Variants in EML1 observed in about 807,000 individuals in gnomAD.
The protein encoded by EML1 is echinoderm microtubule-associated protein-like 1.
A neutral mutation model predicts 110.4 loss-of-function variants in EML1; 27 were observed. The ratio of observed to expected loss-of-function variants is 0.24; its 90% CI spans 0.18 to 0.34. The LOEUF (loss-of-function observed/expected upper bound fraction) is 0.34, where lower values mean the gene tolerates loss of function less well. Among genes scored for constraint, EML1 ranks in the 10% least tolerant of loss-of-function variants. The pLI, the probability that EML1 is intolerant of heterozygous loss-of-function variation, is 1.00. For synonymous variants in EML1, 344 were observed against 385.8 expected (o/e 0.89, Z 1.27); for missense variants, 741 against 1,030.9 (o/e 0.72, Z 3.85).
At chr14:99,938,014 T>A in intron 20 of EML1, 102 bp downstream of exon 20, 6 of 1,234,560 alleles carry the variant, frequency 4.9e-6, no homozygotes, top group Non-Finnish European at 7.0e-6. Context: ...TCTTGTCAGA[T>A]TGCTCGGCTG....
intron 1 of EML1, among the ~76,000 whole-genome samples, chr14:99,752,984 G>C (rs1311585793): frequency 1.3e-5 from 2 of 152,158 alleles, no homozygotes; most frequent in African/African-American, 4.8e-5. Context: ...ACTTGAGGCA[G>C]CCCTGGCTTT....
chr14:99,771,098 T>G (rs1432125015), upstream of EML1, among the ~76,000 whole-genome samples: 2 of 152,160 alleles, frequency 1.3e-5, no homozygotes, highest in Non-Finnish European at 2.9e-5. Context: ...ACTGATATTA[T>G]AATGATCAGT....
intron 1 of EML1, among the ~76,000 whole-genome samples, chr14:99,745,233 T>A (rs982654304): frequency 7.2e-5 from 11 of 152,264 alleles, no homozygotes; most frequent in Admixed American, 2.6e-4. Context: ...ACCTGGCTAA[T>A]TTTTGTATTT....
At chr14:99,740,624 T>C (rs2057030770) in intron 1 of EML1, among the ~76,000 whole-genome samples, 1 of 152,168 alleles carries the variant, frequency 6.6e-6, no homozygotes, top group Non-Finnish European at 1.5e-5. Flanking sequence ...GCAGGAACTC[T>C]CCTGCATCAA....
In EML1 at chr14:99,936,401, G is replaced by T. The variant is rs563168310; in HGVS notation, c.2095+67G>T. ...AAGCGTTCACTCTGAGATCCAGGGGGCCTCTGTGAGAACCCACCTCCTGTA... is the reference window on the plus strand; with the variant it reads ...AAGCGTTCACTCTGAGATCCAGGGGTCCTCTGTGAGAACCCACCTCCTGTA... On this transcript the variant is annotated intron_variant, in intron 19 of 21. Coordinates refer to ENST00000262233, the MANE Select transcript of EML1 (RefSeq NM_004434.3). This position sits in a 1 kb window ranked among gnomAD's most constrained non-coding sequence, Gnocchi z 5.5. 5 of 1,450,168 alleles carry T rather than the reference G, an allele frequency of 3.4e-6. No homozygotes were observed. Among genetic ancestry groups the T allele is most frequent in the South Asian group, 2.4e-5 (2 of 84,858 alleles). 89.8% of individuals were successfully genotyped at this position (1,450,168 alleles called of 1,614,324 possible). A position where few individuals can be genotyped will look rare whatever the true frequency, so the allele number is the denominator to read the frequency against.
chr14:99,901,100 G>C, intron 9 of EML1, 61 bp downstream of exon 9: 1 of 1,418,536 alleles, frequency 7.0e-7, no homozygotes, highest in Non-Finnish European at 1.0e-6. Flanking sequence ...AATCAACTCA[G>C]GGTTGAAGAG....
chr14:99,853,060 A>G (rs538892672), intron 2 of EML1, among the ~76,000 whole-genome samples: 4 of 152,250 alleles, frequency 2.6e-5, no homozygotes, highest in African/African-American at 9.6e-5. Flanking sequence ...CCTTATTTTT[A>G]GAAAACTACA....
chr14:99,852,779 C>A (rs1394730994), intron 2 of EML1, among the ~76,000 whole-genome samples: 2 of 152,064 alleles, frequency 1.3e-5, no homozygotes, highest in African/African-American at 4.8e-5. Context: ...GGGAAGAAAT[C>A]AATTTCTTTG....
At chr14:99,848,728 G>T (rs993486140) in intron 1 of EML1, among the ~76,000 whole-genome samples, 3 of 152,160 alleles carry the variant, frequency 2.0e-5, no homozygotes, top group African/African-American at 4.8e-5. Context: ...CACTTTGGGA[G>T]GGTGAAGCAG....
chr14:99,899,006 C>T (rs1280235582), intron 8 of EML1, among the ~76,000 whole-genome samples: 12 of 152,118 alleles, frequency 7.9e-5, no homozygotes, highest in African/African-American at 2.4e-4. Context: ...GTTTAACAGT[C>T]GTGACTTTAA....
chr14:99,843,938 A>G (rs1041238588), intron 1 of EML1, among the ~76,000 whole-genome samples: 1 of 152,226 alleles, frequency 6.6e-6, no homozygotes, highest in Non-Finnish European at 1.5e-5. Context: ...ATACCTTCTT[A>G]TCTTCCCCAC....
chr14:99,910,874 G>A lies in EML1; in HGVS notation c.1339+533G>A, dbSNP rs573209717. 3.3e-5 allele frequency among the ~76,000 whole-genome samples: 5 copies of A among 152,206 alleles called. No individual in the cohort carries two copies. The East Asian group carries it at 5.8e-4, about 18-fold the overall frequency. On this transcript the variant is annotated intron_variant, in intron 12 of 21. Coordinates refer to ENST00000262233, the MANE Select transcript of EML1 (RefSeq NM_004434.3). ...GTGAGCATTTATGAGCACTTACCCCGTGACAAGAAAAAAGGGAAAATCCAC... is the reference window on the plus strand; with the variant it reads ...GTGAGCATTTATGAGCACTTACCCCATGACAAGAAAAAAGGGAAAATCCAC...
At chr14:99,931,858 AT>A (rs1428773371) in intron 17 of EML1, among the ~76,000 whole-genome samples, 3 of 152,190 alleles carry the variant, frequency 2.0e-5, no homozygotes, top group Non-Finnish European at 4.4e-5. Flanking sequence ...CCACATTCTA[AT>A]CCTCACACTC....
chr14:99,758,073 G>C (rs2057275838), intron 1 of EML1, among the ~76,000 whole-genome samples: 1 of 152,204 alleles, frequency 6.6e-6, no homozygotes, highest in Non-Finnish European at 1.5e-5. Context: ...GGGTCTCACT[G>C]ACTGTAAGAC....
intron 1 of EML1, 83 bp downstream of exon 1, chr14:99,793,626 G>C: frequency 3.1e-6 from 3 of 954,198 alleles, no homozygotes; most frequent in Non-Finnish European, 3.7e-6. Context: ...CCAAGCCGAG[G>C]GGCCGAGGCC....
intron 1 of EML1, among the ~76,000 whole-genome samples, chr14:99,796,909 A>G (rs55826390): frequency 0.13 from 18,922 of 142,548 alleles, 1,407 homozygotes; most frequent in East Asian, 0.37. Flanking sequence ...TTGTGTGTGT[A>G]TGTGTGTGTG....
At chr14:99,895,784 T>C (rs2059662224) in intron 6 of EML1, among the ~76,000 whole-genome samples, 1 of 149,554 alleles carries the variant, frequency 6.7e-6, no homozygotes, top group Non-Finnish European at 1.5e-5. Flanking sequence ...AAAAACTAGC[T>C]ACAGGGATGC....
intron 17 of EML1, 42 bp downstream of exon 17, chr14:99,920,919 CTTTTA>C (rs1054431052): frequency 1.3e-6 from 2 of 1,567,956 alleles, no homozygotes; most frequent in East Asian, 2.2e-5. Context: ...TTTTAATCAA[CTTTTA>C]TTTTAAGTTC....
upstream of EML1, chr14:99,793,241 C>T (rs1053100736): frequency 1.5e-5 from 11 of 737,296 alleles, no homozygotes; most frequent in African/African-American, 2.1e-4. Context: ...GTCCCCCTCC[C>T]GGCCCGGGCC....
Sources: allele counts gnomAD v4.1 joint callset (sites outside exome capture counted in the v4.1 genomes callset), GRCh38; gene constraint gnomAD v4.1.1; non-coding constraint Gnocchi (gnomAD v3.1); transcripts MANE v1.5; gene names NCBI Gene and HGNC (gene_info 2026-07-23, HGNC 2026-07-21).